Variants in THSD4 observed in about 807,000 individuals in gnomAD.
THSD4 encodes the protein thrombospondin type 1 domain containing 4, also known as thrombospondin type-1 domain-containing protein 4.
THSD4 carries 69 observed loss-of-function variants against 119.0 expected under a neutral mutation model. The ratio of observed to expected loss-of-function variants is 0.58; its 90% confidence interval spans 0.48 to 0.71. The LOEUF (loss-of-function observed/expected upper bound fraction) is 0.71, where lower values mean the gene tolerates loss of function less well. Ranked by LOEUF, THSD4 falls within the 30% of genes least tolerant of loss-of-function variation. The pLI is 0.00. For synonymous variants in THSD4, 524 were observed against 540.4 expected (o/e 0.97, Z 0.42); for missense variants, 1,393 against 1,391.1 (o/e 1.00, Z -0.02).
At chr15:71,161,164 T>C (rs1218006174) in intron 3 of THSD4, among the ~76,000 whole-genome samples, 1 of 152,106 alleles carries the variant, frequency 6.6e-6, no homozygotes, top group Non-Finnish European at 1.5e-5. Flanking sequence ...TTTTGTGGCC[T>C]GACGTGTGAT....
chr15:71,337,031 G>C (rs534995939), intron 6 of THSD4, among the ~76,000 whole-genome samples: 4 of 152,158 alleles, frequency 2.6e-5, no homozygotes, highest in Non-Finnish European at 5.9e-5. Flanking sequence ...GAGTGTGTGC[G>C]TGCATGCATG....
chr15:71,184,631 C>T lies in THSD4; in HGVS notation c.99+29699C>T, dbSNP rs2043578668. Among the ~76,000 whole-genome samples, 3 of 151,736 alleles carry T rather than the reference C, an allele frequency of 2.0e-5. 1 individual carries two copies. The highest frequency in any genetic ancestry group is 4.4e-5 in the Non-Finnish European group (3 of 67,890). ...CAGAGGTAGAAGCATGGATTTAAAC[C>T]CAGGCATCTGGCTGCAAAGCTGAAC... On this transcript the variant is annotated intron_variant, in intron 3 of 17. Transcript: ENST00000261862.
Position 71,341,602 on chromosome 15 carries a change from C to G in THSD4, c.1016-70085C>G, listed in dbSNP as rs967621689. ...TCGTGGCTTTTCGTATATGCATACCCTTGATGGCCTGAGCAGTTTCACGAG... is the reference window on the plus strand; with the variant it reads ...TCGTGGCTTTTCGTATATGCATACCGTTGATGGCCTGAGCAGTTTCACGAG... On this transcript the variant is annotated intron_variant, in intron 6 of 17. Coordinates refer to ENST00000261862, the MANE Select transcript of THSD4 (RefSeq NM_024817.3). 7 of 1,591,498 alleles carry G rather than the reference C, an allele frequency of 4.4e-6. No individual in the cohort carries two copies. In the Admixed American group the frequency reaches 1.0e-4, roughly 23 times the overall value.
rs553936083 is a variant in THSD4 at position 71,642,857 on chromosome 15, G to A, written c.1153-17673G>A. ...AGAGATATACCTAATGCTAAATGAC[G>A]AGTTAATGGGTGCAGCACACCAGCA... On this transcript the variant is annotated intron_variant, in intron 7 of 17. Transcript: ENST00000261862. 7.2e-5 allele frequency among the ~76,000 whole-genome samples: 11 copies of A among 152,106 alleles called. No homozygotes were observed. In the South Asian group the frequency reaches 1.0e-3, roughly 14 times the overall value.
chr15:71,544,551 C>G (rs1342764363), intron 7 of THSD4, among the ~76,000 whole-genome samples: 1 of 152,124 alleles, frequency 6.6e-6, no homozygotes, highest in Non-Finnish European at 1.5e-5. Context: ...TCATGCATTG[C>G]TGGTGAGAAT....
intron 16 of THSD4, chr15:71,767,000 G>T (rs1024643778): frequency 1.3e-5 from 2 of 152,186 alleles, no homozygotes; most frequent in Non-Finnish European, 2.9e-5. Flanking sequence ...CAATCTGACC[G>T]TAGAGGGGCA....
intron 1 of THSD4, among the ~76,000 whole-genome samples, chr15:71,120,998 A>G (rs1172297922): frequency 6.6e-6 from 1 of 152,204 alleles, no homozygotes; most frequent in African/African-American, 2.4e-5. Context: ...ATTTCCCATG[A>G]AAAAGGATAA....
intron 6 of THSD4, among the ~76,000 whole-genome samples, chr15:71,325,628 T>G (rs1306633918): frequency 6.6e-6 from 1 of 152,250 alleles, no homozygotes; most frequent in East Asian, 1.9e-4. Context: ...TTGTGATTAT[T>G]GCAAACCTCA....
intron 6 of THSD4, among the ~76,000 whole-genome samples, chr15:71,339,913 T>G (rs1283182501): frequency 6.6e-6 from 1 of 152,076 alleles, no homozygotes. Flanking sequence ...TACAGTCGCG[T>G]GCCACCATGC....
chr15:71,461,953 T>A (rs926222521), intron 7 of THSD4, among the ~76,000 whole-genome samples: 6 of 152,204 alleles, frequency 3.9e-5, no homozygotes, highest in African/African-American at 1.4e-4. Flanking sequence ...TGGCCAAGAT[T>A]GGCTGGCATG....
Position 71,368,884 on chromosome 15 carries a change from C to T in THSD4, c.1016-42803C>T, listed in dbSNP as rs540422823. 2.6e-5 allele frequency among the ~76,000 whole-genome samples: 4 copies of T among 152,270 alleles called. No homozygotes were observed. The East Asian group carries it at 7.7e-4, about 29-fold the overall frequency. On this transcript the variant is annotated intron_variant, in intron 6 of 17. Coordinates refer to ENST00000261862, the MANE Select transcript of THSD4 (RefSeq NM_024817.3). ...TATAAATTACCTTGGGCAGTATGGC[C>T]ATTTTCACAATATTGATTCTTCCTA...
At chr15:71,411,483 A>G (rs926334079) in intron 6 of THSD4, among the ~76,000 whole-genome samples, 1 of 152,180 alleles carries the variant, frequency 6.6e-6, no homozygotes, top group Non-Finnish European at 1.5e-5. Flanking sequence ...ATGTTCTGGA[A>G]TTATATAATG....
At chr15:71,218,134 C>T (rs1435029420) in intron 4 of THSD4, among the ~76,000 whole-genome samples, 1 of 152,118 alleles carries the variant, frequency 6.6e-6, no homozygotes, top group Admixed American at 6.5e-5. Flanking sequence ...CTAATAGCAT[C>T]TTCATTTTAG....
chr15:71,308,461 C>A (rs549331627), intron 6 of THSD4, among the ~76,000 whole-genome samples: 1 of 145,032 alleles, frequency 6.9e-6, no homozygotes, highest in African/African-American at 2.6e-5. Context: ...ATCAGGAGAG[C>A]CCTGTCTCCT....
chr15:71,164,069 G>C (rs1445409296), intron 3 of THSD4, among the ~76,000 whole-genome samples: 1 of 151,738 alleles, frequency 6.6e-6, no homozygotes, highest in Non-Finnish European at 1.5e-5. Context: ...AATGTAAGTG[G>C]GCTATGTGAA....
intron 6 of THSD4, among the ~76,000 whole-genome samples, chr15:71,396,317 T>C (rs1033807279): frequency 5.9e-5 from 9 of 151,440 alleles, no homozygotes; most frequent in African/African-American, 1.9e-4. Flanking sequence ...CACACACACA[T>C]ACCTATACGT....
At chr15:71,604,135 T>C (rs1379041176) in intron 7 of THSD4, among the ~76,000 whole-genome samples, 1 of 152,044 alleles carries the variant, frequency 6.6e-6, no homozygotes, top group Non-Finnish European at 1.5e-5. Flanking sequence ...GTGAAGATAA[T>C]GAAATAAGTT....
At chr15:71,565,363 T>C (rs2140888747) in intron 7 of THSD4, among the ~76,000 whole-genome samples, 1 of 152,314 alleles carries the variant, frequency 6.6e-6, no homozygotes, top group East Asian at 1.9e-4. Context: ...CCACATAATA[T>C]TGACTGTGTA....
intron 7 of THSD4, among the ~76,000 whole-genome samples, chr15:71,552,199 C>A: frequency 6.6e-6 from 1 of 152,248 alleles, no homozygotes; most frequent in African/African-American, 2.4e-5. Context: ...TCAGTCAGCT[C>A]GATCCTGAGA....
Sources: gnomAD v4.1 joint callset for allele counts (sites outside exome capture counted in the v4.1 genomes callset) on GRCh38, gnomAD v4.1.1 for gene constraint, MANE v1.5 for transcripts, NCBI Gene and HGNC (gene_info 2026-07-23, HGNC 2026-07-21) for gene names.